NTRK2: variants seen among roughly 807,000 people sequenced by gnomAD.
The protein encoded by NTRK2 is neurotrophic receptor tyrosine kinase 2, also known as BDNF/NT-3 growth factors receptor.
In NTRK2, 13 loss-of-function variants were observed where a neutral mutation model predicts 94.5. The ratio of observed to expected loss-of-function variants is 0.14; its 90% CI spans 0.09 to 0.22. The LOEUF (loss-of-function observed/expected upper bound fraction) is 0.22, where lower values mean the gene tolerates loss of function less well. NTRK2 is among the 10% of genes least tolerant of loss of function. The pLI is 1.00. For missense variants in NTRK2, 639 were observed against 1,071.2 expected, an observed-to-expected ratio of 0.60 and a Z score of 5.63; for synonymous variants, 372 against 407.4, an observed-to-expected ratio of 0.91 and a Z score of 1.05.
chr9:84,868,399 A>G (rs2075691676), intron 14 of NTRK2, among the ~76,000 whole-genome samples: 2 of 152,208 alleles, frequency 1.3e-5, no homozygotes. Context: ...AATGAGTATC[A>G]GATCTGTGCA....
At position 85,024,152 on chromosome 9, in the gene NTRK2, A is replaced by G. The variant is rs186243116; in HGVS notation, c.*2715A>G. Reference sequence around the variant, plus strand: ...TTACTATCTCTGTTGTCTTAAGAGTATGTGCTGATTTCAGAGACATCTCAA... The same window carrying G: ...TTACTATCTCTGTTGTCTTAAGAGTGTGTGCTGATTTCAGAGACATCTCAA... On this transcript the variant is annotated 3_prime_UTR_variant, in exon 19 of 19. Coordinates refer to ENST00000277120, the MANE Select transcript of NTRK2 (RefSeq NM_006180.6). 24 of 231,772 alleles carry G rather than the reference A, an allele frequency of 1.0e-4. No homozygotes were observed. In the East Asian group the frequency reaches 1.5e-3, roughly 14 times the overall value. The allele number at this position is 231,772 out of a possible 1,614,324, so 14.4% of individuals were successfully genotyped here. A position where few individuals can be genotyped will look rare whatever the true frequency, so the allele number is the denominator to read the frequency against.
At chr9:84,811,272 C>T (rs7020204) in intron 12 of NTRK2, 92,801 of 1,064,048 alleles carry the variant, frequency 0.087, 4,286 homozygotes, top group East Asian at 0.17. Context: ...AGTTCCTTAG[C>T]CAGCAAAACA....
chr9:84,698,036 A>G (rs759594182), intron 2 of NTRK2, among the ~76,000 whole-genome samples: 22 of 152,186 alleles, frequency 1.4e-4, no homozygotes, highest in Admixed American at 3.9e-4. Flanking sequence ...ATATAATTAC[A>G]TTCAGAAATA....
At chr9:84,708,636 T>G (rs2061252120) in intron 5 of NTRK2, among the ~76,000 whole-genome samples, 1 of 152,206 alleles carries the variant, frequency 6.6e-6, no homozygotes, top group Non-Finnish European at 1.5e-5. Context: ...GGGGCAGATG[T>G]GGGCCCAGGA....
rs369837254 is a variant in NTRK2 at position 84,876,557 on chromosome 9, C to T, written c.1633+9126C>T. On this transcript the variant is annotated intron_variant, in intron 14 of 18. Transcript: ENST00000277120. Reference sequence around the variant, plus strand: ...GTTCTTACCTTCTATTAATAGAGTACTTGAGCCAGATGGACTAACTGGTCT... The same window carrying T: ...GTTCTTACCTTCTATTAATAGAGTATTTGAGCCAGATGGACTAACTGGTCT... 5 of 1,056,538 alleles carry T rather than the reference C, an allele frequency of 4.7e-6. No homozygotes were observed. In the East Asian group the frequency reaches 1.6e-4, roughly 34 times the overall value. The allele number at this position is 1,056,538 out of a possible 1,614,324, so 65.4% of individuals were successfully genotyped here. A position where few individuals can be genotyped will look rare whatever the true frequency, so the allele number is the denominator to read the frequency against.
In NTRK2 at chr9:85,022,491, A is replaced by G. The variant is rs1832832171; in HGVS notation, c.*1054A>G. On this transcript the variant is annotated 3_prime_UTR_variant, in exon 19 of 19. Transcript: ENST00000277120. Reference sequence around the variant, plus strand: ...AGCTCATTTCGGGGTCAGGTGGGAAAGCCAAGAACTTGGAAAAGATAAGAC... The same window carrying G: ...AGCTCATTTCGGGGTCAGGTGGGAAGGCCAAGAACTTGGAAAAGATAAGAC... The G allele has an allele frequency of 4.3e-6, 1 of 233,282 alleles. No homozygotes were observed. Among genetic ancestry groups the G allele is most frequent in the Non-Finnish European group, 8.5e-6 (1 of 118,034 alleles). The allele number at this position is 233,282 out of a possible 1,614,324, so 14.5% of individuals were successfully genotyped here. A position where few individuals can be genotyped will look rare whatever the true frequency, so the allele number is the denominator to read the frequency against.
intron 2 of NTRK2, among the ~76,000 whole-genome samples, chr9:84,671,987 GAAGATTGTAAGGCA>G (rs2058727633): frequency 1.3e-5 from 2 of 152,128 alleles, no homozygotes; most frequent in South Asian, 4.1e-4. Flanking sequence ...CGTATACGTG[GAAGATTGTAAGGCA>G]AAGTTTCTCC....
chr9:84,882,719 TGCGCGC>T (rs1554762159), intron 14 of NTRK2, among the ~76,000 whole-genome samples: 5 of 145,742 alleles, frequency 3.4e-5, no homozygotes, highest in South Asian at 4.2e-4. Flanking sequence ...TGTGTGTGTG[TGCGCGC>T]GCGCGCGCAT....
intron 14 of NTRK2, among the ~76,000 whole-genome samples, chr9:84,905,302 G>T (rs952030751): frequency 6.6e-6 from 1 of 151,418 alleles, no homozygotes; most frequent in Non-Finnish European, 1.5e-5. Context: ...GTGTGTGTGT[G>T]TGTGACTGAC....
At chr9:84,935,775 T>C (rs753413368) in intron 15 of NTRK2, among the ~76,000 whole-genome samples, 15 of 149,758 alleles carry the variant, frequency 1.0e-4, no homozygotes, top group Non-Finnish European at 1.6e-4. Flanking sequence ...CAAAAAGTTT[T>C]GTTTGTCATT....
intron 13 of NTRK2, among the ~76,000 whole-genome samples, chr9:84,864,736 CTTTTT>C (rs71369154): frequency 9.6e-6 from 1 of 104,590 alleles, no homozygotes; most frequent in South Asian, 3.6e-4. Context: ...TCTTAATTTT[CTTTTT>C]TTTTTTTTTT....
At chr9:84,821,505 C>T (rs1055512184) in intron 12 of NTRK2, among the ~76,000 whole-genome samples, 6 of 152,130 alleles carry the variant, frequency 3.9e-5, no homozygotes, top group Admixed American at 2.6e-4. Flanking sequence ...GTATTTTTTG[C>T]TCTTTGTTTT....
chr9:84,845,966 A>G (rs2074451594), intron 12 of NTRK2, among the ~76,000 whole-genome samples: 1 of 152,158 alleles, frequency 6.6e-6, no homozygotes, highest in South Asian at 2.1e-4. Context: ...CAGAATGCTA[A>G]GGAATGTGCT....
At chr9:84,876,383 C>T in intron 14 of NTRK2, 1 of 1,053,062 alleles carries the variant, frequency 9.5e-7, no homozygotes, top group Non-Finnish European at 1.1e-6. Flanking sequence ...GGAATGATTA[C>T]TTTTCAGATC....
At chr9:84,850,882 C>T (rs996727562) in intron 12 of NTRK2, among the ~76,000 whole-genome samples, 2 of 152,136 alleles carry the variant, frequency 1.3e-5, no homozygotes, top group Non-Finnish European at 2.9e-5. Context: ...GGGAGGAGAA[C>T]ATTAAAATAA....
chr9:84,792,561 C>A (rs1372676209), intron 12 of NTRK2, among the ~76,000 whole-genome samples: 1 of 152,170 alleles, frequency 6.6e-6, no homozygotes, highest in African/African-American at 2.4e-5. Context: ...ATACCATTTA[C>A]TGAGCAATTA....
At chr9:84,981,571 G>T (rs192803959) in intron 17 of NTRK2, among the ~76,000 whole-genome samples, 1 of 151,854 alleles carries the variant, frequency 6.6e-6, no homozygotes, top group East Asian at 1.9e-4. Flanking sequence ...TAATTTATTT[G>T]CCCTGTATTC....
rs144487705 is a variant in NTRK2 at position 84,741,364 on chromosome 9, A to C, written c.1160-528A>C. On this transcript the variant is annotated intron_variant, in intron 9 of 18. Coordinates refer to ENST00000277120, the MANE Select transcript of NTRK2 (RefSeq NM_006180.6). ...GTTAGGGCTTAAAAAAGGTTTCTTCAGCCCTAGAAACTCCCCTGAAGATAA... is the reference window on the plus strand; with the variant it reads ...GTTAGGGCTTAAAAAAGGTTTCTTCCGCCCTAGAAACTCCCCTGAAGATAA... Among the ~76,000 whole-genome samples the C allele has an allele frequency of 3.3e-3, 495 of 152,272 alleles. 10 individuals carry two copies. Among genetic ancestry groups the C allele is most frequent in the Non-Finnish European group, 6.8e-4 (46 of 68,016 alleles).
intron 9 of NTRK2, among the ~76,000 whole-genome samples, chr9:84,740,062 A>G (rs559828818): frequency 6.6e-6 from 1 of 152,328 alleles, no homozygotes; most frequent in South Asian, 2.1e-4. Context: ...GAAATCTTCT[A>G]AACTAATGGA....
Sources: gnomAD v4.1 joint callset for allele counts (sites outside exome capture counted in the v4.1 genomes callset) on GRCh38, gnomAD v4.1.1 for gene constraint, MANE v1.5 for transcripts, NCBI Gene and HGNC (gene_info 2026-07-23, HGNC 2026-07-21) for gene names.